Variants in LOC128092253 observed in about 807,000 individuals in gnomAD.
chr6:133,957,620 A>G, the LOC128092253 span, among the ~76,000 whole-genome samples: 4 of 152,182 alleles, frequency 2.6e-5, no homozygotes, highest in Non-Finnish European at 4.4e-5. Flanking sequence ...TTTTCTTGAG[A>G]TTGGGATTGG....
the LOC128092253 span, among the ~76,000 whole-genome samples, chr6:133,958,995 G>T: frequency 1.3e-5 from 2 of 152,036 alleles, no homozygotes; most frequent in African/African-American, 2.4e-5. Flanking sequence ...AATAGATAGA[G>T]ATATATATTT....
the LOC128092253 span, among the ~76,000 whole-genome samples, chr6:133,978,174 T>C: frequency 6.6e-6 from 1 of 152,186 alleles, no homozygotes; most frequent in African/African-American, 2.4e-5. Context: ...CCTGCTGCTG[T>C]CCAGATGGCT....
chr6:133,957,183 A>G, the LOC128092253 span, among the ~76,000 whole-genome samples: 4 of 152,348 alleles, frequency 2.6e-5, no homozygotes, highest in African/African-American at 9.6e-5. Context: ...AAAAAACTCA[A>G]TAGGGTGATT....
chr6:133,966,064 G>C, the LOC128092253 span, among the ~76,000 whole-genome samples: 1 of 152,138 alleles, frequency 6.6e-6, no homozygotes, highest in African/African-American at 2.4e-5. Flanking sequence ...TTCAACTTCA[G>C]AGACAGAGAG....
At chr6:133,971,119 G>T in the LOC128092253 span, among the ~76,000 whole-genome samples, 1 of 151,468 alleles carries the variant, frequency 6.6e-6, no homozygotes, top group African/African-American at 2.4e-5. Flanking sequence ...TCTGTTAATC[G>T]CTCTTCTTTC....
At chr6:133,968,750 A>G in the LOC128092253 span, 1 of 152,232 alleles carries the variant, frequency 6.6e-6, no homozygotes, top group South Asian at 2.1e-4. Flanking sequence ...TGCTCACTGC[A>G]GCCTCTGCCC....
the LOC128092253 span, among the ~76,000 whole-genome samples, chr6:133,953,944 A>T: frequency 1.3e-5 from 2 of 152,076 alleles, no homozygotes; most frequent in Non-Finnish European, 2.9e-5. Context: ...GCTTTATTTT[A>T]TTATTATTTT....
chr6:133,965,310 A>T, the LOC128092253 span, among the ~76,000 whole-genome samples: 2 of 152,200 alleles, frequency 1.3e-5, no homozygotes, highest in Non-Finnish European at 2.9e-5. Flanking sequence ...GGCACATATA[A>T]GACCTGCTCA....
the LOC128092253 span, among the ~76,000 whole-genome samples, chr6:133,959,196 C>T: frequency 1.3e-5 from 2 of 152,076 alleles, no homozygotes; most frequent in African/African-American, 2.4e-5. Context: ...TGCGCCACCA[C>T]GCCTAGCTAA....
At chr6:133,961,399 C>T in the LOC128092253 span, among the ~76,000 whole-genome samples, 2 of 151,762 alleles carry the variant, frequency 1.3e-5, no homozygotes, top group African/African-American at 4.8e-5. Context: ...GGTTGCTCTT[C>T]TCCCAGTGTT....
At chr6:133,969,250 A>AC in the LOC128092253 span, among the ~76,000 whole-genome samples, 1 of 137,980 alleles carries the variant, frequency 7.2e-6, no homozygotes, top group Non-Finnish European at 1.5e-5. Flanking sequence ...CATAAAATAC[A>AC]CTTTTTTTTT....
chr6:133,976,484 C>T, the LOC128092253 span, among the ~76,000 whole-genome samples: 2 of 152,166 alleles, frequency 1.3e-5, no homozygotes, highest in Admixed American at 6.5e-5. Flanking sequence ...ATATTTGTTC[C>T]CTTCTGGGAA....
At chr6:133,965,308 T>C in the LOC128092253 span, among the ~76,000 whole-genome samples, 1 of 152,182 alleles carries the variant, frequency 6.6e-6, no homozygotes, top group Admixed American at 6.5e-5. Context: ...GGGGCACATA[T>C]AAGACCTGCT....
the LOC128092253 span, among the ~76,000 whole-genome samples, chr6:133,959,912 G>A: frequency 6.6e-6 from 1 of 152,194 alleles, no homozygotes; most frequent in Non-Finnish European, 1.5e-5. Context: ...TATGACTGTG[G>A]ACAACATTTA....
the LOC128092253 span, among the ~76,000 whole-genome samples, chr6:133,970,240 T>C: frequency 2.0e-5 from 3 of 152,264 alleles, no homozygotes; most frequent in African/African-American, 7.2e-5. Flanking sequence ...TAAGATTTTC[T>C]TCACACAGCT....
the LOC128092253 span, among the ~76,000 whole-genome samples, chr6:133,964,009 C>G: frequency 3.9e-5 from 6 of 152,150 alleles, no homozygotes; most frequent in Admixed American, 2.0e-4. Context: ...ACACTGCACT[C>G]CAGCCTGGGC....
At chr6:133,963,347 A>T in the LOC128092253 span, among the ~76,000 whole-genome samples, 34 of 152,216 alleles carry the variant, frequency 2.2e-4, 1 homozygote, top group Admixed American at 6.5e-5. Flanking sequence ...TTAGGGCCCT[A>T]TCAAGGTCAA....
At chr6:133,972,808 C>T in the LOC128092253 span, among the ~76,000 whole-genome samples, 2 of 152,082 alleles carry the variant, frequency 1.3e-5, no homozygotes, top group Non-Finnish European at 2.9e-5. Context: ...GTAATAGCCA[C>T]CATTTAATGA....
chr6:133,954,535 TACATC>T, the LOC128092253 span, among the ~76,000 whole-genome samples: 1 of 152,256 alleles, frequency 6.6e-6, no homozygotes, highest in East Asian at 1.9e-4. Flanking sequence ...TCTTTAGTCT[TACATC>T]ACAAGCTGCT....
Sources: gnomAD v4.1 joint callset for allele counts (sites outside exome capture counted in the v4.1 genomes callset) on GRCh38, gnomAD v4.1.1 for gene constraint, MANE v1.5 for transcripts.